Variants in NAV3 observed in about 807,000 individuals in gnomAD.
NAV3 encodes neuron navigator 3, also known as pore membrane and/or filament interacting like protein 1.
In NAV3, 87 loss-of-function variants were observed where a neutral mutation model predicts 244.7. The observed-to-expected ratio is 0.36, with a 90% CI of 0.30 to 0.42. The LOEUF (loss-of-function observed/expected upper bound fraction) is 0.42, where lower values mean the gene tolerates loss of function less well. NAV3 is among the 20% of genes least tolerant of loss of function. The pLI is 1.00. For synonymous variants in NAV3, 1,126 were observed against 1,042.2 expected (o/e 1.08, Z -1.55); for missense variants, 2,663 against 2,893.3 (o/e 0.92, Z 1.83).
At chr12:77,809,027 A>G (rs1335212157) in intron 2 of NAV3, among the ~76,000 whole-genome samples, 1 of 151,992 alleles carries the variant, frequency 6.6e-6, no homozygotes, top group Non-Finnish European at 1.5e-5. Context: ...CCCTTCCCCC[A>G]AGATCAAGCA....
intron 2 of NAV3, among the ~76,000 whole-genome samples, chr12:77,599,624 T>A (rs117591476): frequency 6.6e-6 from 1 of 151,874 alleles, no homozygotes; most frequent in Admixed American, 6.6e-5. Flanking sequence ...GAGATATATA[T>A]ATGTGTGATA....
chr12:78,182,558 T>TA (rs892426538), intron 30 of NAV3, among the ~76,000 whole-genome samples: 5 of 151,610 alleles, frequency 3.3e-5, no homozygotes, highest in South Asian at 2.1e-4. Context: ...CAGACACATA[T>TA]AAAAAAAACT....
intron 31 of NAV3, among the ~76,000 whole-genome samples, chr12:78,186,691 A>G (rs1958735904): frequency 6.6e-6 from 1 of 151,992 alleles, no homozygotes; most frequent in Non-Finnish European, 1.5e-5. Flanking sequence ...ACTTTTTTCT[A>G]AAAAAGCTTC....
chr12:77,696,939 T>C (rs1324326174), intron 2 of NAV3, among the ~76,000 whole-genome samples: 2 of 152,196 alleles, frequency 1.3e-5, no homozygotes, highest in Non-Finnish European at 2.9e-5. Flanking sequence ...TAGCAGTACC[T>C]GTTTAGTTCA....
At chr12:78,075,014 C>G (rs982865282) in intron 12 of NAV3, among the ~76,000 whole-genome samples, 2 of 152,164 alleles carry the variant, frequency 1.3e-5, no homozygotes, top group African/African-American at 2.4e-5. Context: ...GGGCTGAACA[C>G]AGGTTAATTA....
At chr12:77,873,679 G>GTGTATATATATATA (rs540390004) in intron 1 of NAV3, among the ~76,000 whole-genome samples, 35 of 107,308 alleles carry the variant, frequency 3.3e-4, no homozygotes, top group South Asian at 1.1e-3. Flanking sequence ...ATTTGTATGT[G>GTGTATATATATATA]TATATATATA....
chr12:78,022,243 G>A (rs967128729), intron 9 of NAV3, among the ~76,000 whole-genome samples: 1 of 151,798 alleles, frequency 6.6e-6, no homozygotes, highest in African/African-American at 2.4e-5. Context: ...ATCTCTACAG[G>A]GTGGCTTCAA....
At chr12:77,936,432 A>G (rs920078938) in intron 1 of NAV3, among the ~76,000 whole-genome samples, 1 of 152,194 alleles carries the variant, frequency 6.6e-6, no homozygotes, top group Admixed American at 6.5e-5. Context: ...TCAGATTTCC[A>G]GAGATAAATC....
At chr12:77,650,757 A>G (rs1442794140) in intron 2 of NAV3, among the ~76,000 whole-genome samples, 1 of 152,118 alleles carries the variant, frequency 6.6e-6, no homozygotes, top group Non-Finnish European at 1.5e-5. Context: ...GCATGTAAAC[A>G]TTAGTTAATG....
intron 23 of NAV3, 81 bp from the exon 24 acceptor site, chr12:78,168,674 A>C (rs1305370702): frequency 1.1e-6 from 1 of 877,460 alleles, no homozygotes; most frequent in Admixed American, 2.6e-5. Context: ...ATAAAATCAA[A>C]CCTTTTTAAT....
intron 1 of NAV3, among the ~76,000 whole-genome samples, chr12:77,899,744 G>A (rs1242084305): frequency 9.9e-5 from 15 of 152,100 alleles, no homozygotes; most frequent in Non-Finnish European, 2.2e-4. Flanking sequence ...TACATGTCCG[G>A]AATTTAAAAG....
At chr12:78,053,379 AGAGATATAGGTTTT>A (rs1238572911) in intron 11 of NAV3, among the ~76,000 whole-genome samples, 1 of 152,086 alleles carries the variant, frequency 6.6e-6, no homozygotes, top group Non-Finnish European at 1.5e-5. Flanking sequence ...TGCCCCTAGT[AGAGATATAGGTTTT>A]GGTTCCTGTG....
chr12:77,681,640 G>A (rs961858282), intron 2 of NAV3, among the ~76,000 whole-genome samples: 1 of 146,910 alleles, frequency 6.8e-6, no homozygotes, highest in African/African-American at 2.7e-5. Flanking sequence ...GGCACAAGGT[G>A]TTCTGTGATG....
intron 5 of NAV3, among the ~76,000 whole-genome samples, chr12:77,971,185 C>T (rs1364688586): frequency 6.6e-6 from 1 of 151,980 alleles, no homozygotes; most frequent in African/African-American, 2.4e-5. Flanking sequence ...AAGGATGTCT[C>T]GATTTTTCAT....
At chr12:77,988,055 A>G (rs1870829844) in intron 5 of NAV3, among the ~76,000 whole-genome samples, 1 of 152,256 alleles carries the variant, frequency 6.6e-6, no homozygotes, top group Admixed American at 6.5e-5. Context: ...AGATTTTGGA[A>G]TATGCTGTTT....
chr12:77,583,446 G>T (rs1869458990), intron 2 of NAV3, among the ~76,000 whole-genome samples: 2 of 152,092 alleles, frequency 1.3e-5, no homozygotes, highest in South Asian at 4.1e-4. Flanking sequence ...ATGATCTGGG[G>T]TTATACTTTT....
At chr12:77,746,849 T>G (rs1456995503) in intron 2 of NAV3, among the ~76,000 whole-genome samples, 4 of 152,206 alleles carry the variant, frequency 2.6e-5, no homozygotes, top group Non-Finnish European at 5.9e-5. Context: ...AACAATGGCT[T>G]ATTTTTCCTG....
intron 2 of NAV3, among the ~76,000 whole-genome samples, chr12:77,649,184 T>C (rs1259550927): frequency 6.6e-6 from 1 of 152,166 alleles, no homozygotes; most frequent in Non-Finnish European, 1.5e-5. Flanking sequence ...ATTCACTTAT[T>C]CAACCAATGA....
In NAV3 at chr12:77,835,823, T is replaced by C. The variant is rs142043863; in HGVS notation, c.243+4119T>C. 6.6e-4 allele frequency among the ~76,000 whole-genome samples: 101 copies of C among 152,326 alleles called. No homozygotes were observed. The Middle Eastern group carries it at 0.017, about 26-fold the overall frequency. On this transcript the variant is annotated intron_variant, in intron 1 of 39. Transcript: ENST00000397909. The stretch of plus-strand genomic sequence containing the variant: ...TCTTATAATGTCTTCATTCAGGCAT[T>C]CTTGTCTCCCAGTTGTCACTTTCTC...
Sources: gnomAD v4.1 joint callset for allele counts (sites outside exome capture counted in the v4.1 genomes callset) on GRCh38, gnomAD v4.1.1 for gene constraint, MANE v1.5 for transcripts, NCBI Gene and HGNC (gene_info 2026-07-23, HGNC 2026-07-21) for gene names.